The following WDPCP variants were observed in gnomAD, a reference collection of about 807,000 sequenced individuals.
WDPCP encodes WD repeat-containing and planar cell polarity effector protein fritz homolog.
Under a neutral mutation model 93.1 loss-of-function variants are expected in WDPCP, and 71 were observed. That is an observed-to-expected ratio of 0.76 (90% CI 0.63 to 0.93). WDPCP has a LOEUF of 0.93. WDPCP is among the 40% of genes least tolerant of loss of function. The pLI is 0.00. For synonymous variants in WDPCP, 315 were observed against 315.0 expected (o/e 1.00, Z 0.00); for missense variants, 844 against 887.4 (o/e 0.95, Z 0.62).
intron 2 of WDPCP, among the ~76,000 whole-genome samples, chr2:63,756,611 T>G (rs1575765623): frequency 6.6e-6 from 1 of 152,202 alleles, no homozygotes; most frequent in African/African-American, 2.4e-5. Context: ...CTTTATCATA[T>G]CATTTAATAT....
intron 9 of WDPCP, among the ~76,000 whole-genome samples, chr2:63,416,906 C>T (rs368235543): frequency 1.3e-5 from 2 of 152,300 alleles, no homozygotes; most frequent in East Asian, 3.9e-4. Flanking sequence ...ATAACAGCCA[C>T]AGACAACACC....
intron 3 of WDPCP, chr2:63,644,087 A>G (rs1710017529): frequency 2.8e-6 from 1 of 353,706 alleles, no homozygotes. Flanking sequence ...GATCTTTTTA[A>G]TCTGGTTTGT....
At chr2:63,571,131 T>G (rs994351106) in intron 1 of WDPCP, among the ~76,000 whole-genome samples, 7 of 152,086 alleles carry the variant, frequency 4.6e-5, no homozygotes, top group Middle Eastern at 3.2e-3. Context: ...CAGTATGGTC[T>G]CGATCTCCTG....
At chr2:63,817,394 C>G (rs1213738399) in intron 1 of WDPCP, among the ~76,000 whole-genome samples, 1 of 152,128 alleles carries the variant, frequency 6.6e-6, no homozygotes, top group African/African-American at 2.4e-5. Context: ...AGGAGTGAGC[C>G]ACCGCACCCA....
intron 9 of WDPCP, among the ~76,000 whole-genome samples, chr2:63,407,540 C>G (rs1694683707): frequency 1.3e-5 from 2 of 152,280 alleles, no homozygotes; most frequent in African/African-American, 4.8e-5. Flanking sequence ...TTTCCCTGCT[C>G]TATAACTTCA....
At chr2:63,126,666 G>GTGTTTTTTTTT (rs1553536654) in intron 17 of WDPCP, among the ~76,000 whole-genome samples, 3 of 98,118 alleles carry the variant, frequency 3.1e-5, no homozygotes, top group African/African-American at 7.4e-5. Context: ...CTTGTTTTGT[G>GTGTTTTTTTTT]TTTTTTTTTT....
chr2:63,566,622 C>T (rs1707079941), intron 1 of WDPCP, among the ~76,000 whole-genome samples: 1 of 152,208 alleles, frequency 6.6e-6, no homozygotes, highest in African/African-American at 2.4e-5. Context: ...ACTTCTGACA[C>T]CAAATGTGTG....
intron 2 of WDPCP, among the ~76,000 whole-genome samples, chr2:63,724,963 G>T (rs558808203): frequency 6.6e-6 from 1 of 152,112 alleles, no homozygotes; most frequent in African/African-American, 2.4e-5. Flanking sequence ...ATTCTCCTAC[G>T]GGATTTTAAA....
chr2:63,560,980 A>G (rs1706569518), intron 1 of WDPCP, among the ~76,000 whole-genome samples: 1 of 152,222 alleles, frequency 6.6e-6, no homozygotes, highest in African/African-American at 2.4e-5. Context: ...TTAAAGTATA[A>G]TAAATAAATG....
At chr2:63,354,879 A>T (rs2104591439) in intron 12 of WDPCP, among the ~76,000 whole-genome samples, 1 of 152,352 alleles carries the variant, frequency 6.6e-6, no homozygotes, top group South Asian at 2.1e-4. Flanking sequence ...ATCTGAAATG[A>T]CAGTCAGACA....
At chr2:63,665,508 TAC>T (rs1037219736) in intron 2 of WDPCP, among the ~76,000 whole-genome samples, 2 of 152,122 alleles carry the variant, frequency 1.3e-5, no homozygotes, top group Admixed American at 6.6e-5. Flanking sequence ...CATAACTAAT[TAC>T]ATCTATTATA....
intron 14 of WDPCP, among the ~76,000 whole-genome samples, chr2:63,230,032 C>A (rs1678696713): frequency 6.6e-6 from 1 of 151,214 alleles, no homozygotes; most frequent in Non-Finnish European, 1.5e-5. Context: ...GTGTGCTGCA[C>A]CCCTTAACTC....
At chr2:63,801,807 C>A (rs1051691263) in intron 2 of WDPCP, among the ~76,000 whole-genome samples, 1 of 152,156 alleles carries the variant, frequency 6.6e-6, no homozygotes, top group Admixed American at 6.5e-5. Context: ...CCTCACCTCT[C>A]AATGACATGG....
At position 63,739,619 on chromosome 2, in the gene WDPCP, G is replaced by A. The variant is rs576811579; in HGVS notation, n.308+74003C>T. On this transcript the variant is annotated intron_variant and non_coding_transcript_variant, in intron 2 of 4. Transcript: ENST00000467687. ...AATCACCACACTGCTTTTGTGGATA[G>A]CAGCAATCAAACTTTTGTGGAAAGC... Among the ~76,000 whole-genome samples the A allele has an allele frequency of 1.8e-4, 28 of 152,004 alleles. No homozygotes were observed. In the South Asian group the frequency reaches 5.8e-3, roughly 32 times the overall value.
chr2:63,462,303 G>A (rs1463419029), intron 6 of WDPCP, among the ~76,000 whole-genome samples: 4 of 152,100 alleles, frequency 2.6e-5, no homozygotes, highest in African/African-American at 9.7e-5. Context: ...TGAACAATGA[G>A]AATGCTTGGA....
chr2:63,274,133 AATCGT>A (rs1359523327), intron 13 of WDPCP, among the ~76,000 whole-genome samples: 2 of 152,320 alleles, frequency 1.3e-5, no homozygotes, highest in African/African-American at 4.8e-5. Context: ...ATTTTAAAAA[AATCGT>A]ATCAAGTATC....
At chr2:63,724,277 C>T (rs1669467345) in intron 2 of WDPCP, among the ~76,000 whole-genome samples, 1 of 152,014 alleles carries the variant, frequency 6.6e-6, no homozygotes, top group Non-Finnish European at 1.5e-5. Context: ...TCCTAAATTT[C>T]CATTAAATTA....
At chr2:63,172,794 C>T (rs192144531) in intron 15 of WDPCP, among the ~76,000 whole-genome samples, 11 of 152,178 alleles carry the variant, frequency 7.2e-5, no homozygotes, top group East Asian at 3.9e-4. Context: ...ACAGGGAAGA[C>T]GCTATAAAGT....
chr2:63,621,950 A>G lies in WDPCP; in HGVS notation n.488+28709T>C, dbSNP rs1225559505. On this transcript the variant is annotated intron_variant and non_coding_transcript_variant, in intron 3 of 4. Coordinates refer to the WDPCP transcript ENST00000467687. ...GTGCAGGTTAGTTACATATGTATAC[A>G]TGTGCCGTACTGGTGCACTGCACCC... Among the ~76,000 whole-genome samples, 4 of 151,988 alleles carry G rather than the reference A, an allele frequency of 2.6e-5. No homozygotes were observed. In the East Asian group the frequency reaches 7.7e-4, roughly 29 times the overall value.
Sources: gnomAD v4.1 joint callset for allele counts (sites outside exome capture counted in the v4.1 genomes callset) on GRCh38, gnomAD v4.1.1 for gene constraint, MANE v1.5 for transcripts, NCBI Gene and HGNC (gene_info 2026-07-23, HGNC 2026-07-21) for gene names.